SLIT2: variants seen among roughly 807,000 people sequenced by gnomAD.
SLIT2 encodes slit homolog 2 protein.
A neutral mutation model predicts 185.7 loss-of-function variants in SLIT2; 41 were observed. The observed-to-expected ratio is 0.22, with a 90% CI of 0.17 to 0.29. The LOEUF (loss-of-function observed/expected upper bound fraction) is 0.29. Among genes scored for constraint, SLIT2 ranks in the 10% least tolerant of loss-of-function variants. SLIT2 has a pLI of 1.00. For synonymous variants in SLIT2, 693 were observed against 680.2 expected (o/e 1.02, Z -0.29); for missense variants, 1,571 against 1,909.0 (o/e 0.82, Z 3.30).
intron 4 of SLIT2, among the ~76,000 whole-genome samples, chr4:20,443,333 G>A (rs1053653063): frequency 1.3e-5 from 2 of 152,054 alleles, no homozygotes; most frequent in African/African-American, 4.8e-5. Flanking sequence ...TAACTTCTTG[G>A]AACAGGCACA....
chr4:20,416,873 C>T (rs1727730849), intron 4 of SLIT2, among the ~76,000 whole-genome samples: 1 of 152,116 alleles, frequency 6.6e-6, no homozygotes, highest in South Asian at 2.1e-4. Context: ...ACAAGTTAAG[C>T]CTGATCTTAA....
At chr4:20,548,461 T>G in intron 22 of SLIT2, 27 bp from the exon 23 acceptor site, 1 of 1,161,850 alleles carries the variant, frequency 8.6e-7, no homozygotes, top group Non-Finnish European at 1.3e-6. Context: ...TGGTTAATAG[T>G]GTACTCCATT....
intron 4 of SLIT2, among the ~76,000 whole-genome samples, chr4:20,305,759 G>T (rs1217385345): frequency 6.6e-6 from 1 of 151,726 alleles, no homozygotes. Flanking sequence ...TGTAATCCCA[G>T]CTACTTGGGA....
chr4:20,419,380 T>A (rs1028119288), intron 4 of SLIT2, among the ~76,000 whole-genome samples: 7 of 152,222 alleles, frequency 4.6e-5, no homozygotes, highest in African/African-American at 1.7e-4. Flanking sequence ...AATTATTTAA[T>A]GATTTACTTA....
chr4:20,341,961 G>A (rs1337982054), intron 4 of SLIT2, among the ~76,000 whole-genome samples: 1 of 152,136 alleles, frequency 6.6e-6, no homozygotes, highest in Non-Finnish European at 1.5e-5. Context: ...ACTTCCTAGA[G>A]TTTGTTCTTT....
chr4:20,594,181 ATG>A (rs1366651396), intron 30 of SLIT2, among the ~76,000 whole-genome samples: 5 of 149,476 alleles, frequency 3.3e-5, no homozygotes, highest in Admixed American at 6.7e-5. Context: ...ATGTATGTAC[ATG>A]TGTGTATATA....
At chr4:20,460,306 A>G (rs925297471) in intron 4 of SLIT2, among the ~76,000 whole-genome samples, 1 of 152,160 alleles carries the variant, frequency 6.6e-6, no homozygotes, top group African/African-American at 2.4e-5. Flanking sequence ...AGAGAAAGTT[A>G]TTTAGGAAAG....
chr4:20,566,147 G>A (rs1207407228), intron 26 of SLIT2, among the ~76,000 whole-genome samples: 2 of 152,032 alleles, frequency 1.3e-5, no homozygotes. Context: ...CAGTAACGGT[G>A]GGGGTGCAGA....
intron 4 of SLIT2, among the ~76,000 whole-genome samples, chr4:20,355,058 A>G (rs1030898111): frequency 1.3e-5 from 2 of 151,942 alleles, no homozygotes; most frequent in African/African-American, 4.8e-5. Context: ...ATGTTTTCCT[A>G]ATTTTCGTGT....
chr4:20,311,497 ATT>A (rs1255532424), intron 4 of SLIT2, among the ~76,000 whole-genome samples: 1 of 152,162 alleles, frequency 6.6e-6, no homozygotes, highest in African/African-American at 2.4e-5. Context: ...GGTAATTCTG[ATT>A]TTTATTTAAT....
chr4:20,463,035 T>G (rs1391868798), intron 4 of SLIT2, among the ~76,000 whole-genome samples: 2 of 152,114 alleles, frequency 1.3e-5, no homozygotes, highest in African/African-American at 4.8e-5. Flanking sequence ...CTAACAATCC[T>G]ATGAAATATA....
chr4:20,321,126 C>CA (rs1366538470), intron 4 of SLIT2, among the ~76,000 whole-genome samples: 1 of 152,056 alleles, frequency 6.6e-6, no homozygotes, highest in Admixed American at 6.6e-5. Context: ...GACTCTGTCT[C>CA]AAAAAACAAA....
At chr4:20,325,241 C>G (rs1719468688) in intron 4 of SLIT2, among the ~76,000 whole-genome samples, 2 of 151,594 alleles carry the variant, frequency 1.3e-5, no homozygotes, top group Non-Finnish European at 2.9e-5. Flanking sequence ...TACTTCTGCT[C>G]AAGGGAACAG....
intron 5 of SLIT2, among the ~76,000 whole-genome samples, chr4:20,469,864 T>C (rs1213563241): frequency 6.6e-6 from 1 of 150,958 alleles, no homozygotes; most frequent in Non-Finnish European, 1.5e-5. Flanking sequence ...CAAGCGATTC[T>C]TCTGCCTCAG....
At chr4:20,452,485 A>C (rs1273050368) in intron 4 of SLIT2, among the ~76,000 whole-genome samples, 4 of 152,202 alleles carry the variant, frequency 2.6e-5, no homozygotes, top group African/African-American at 9.6e-5. Flanking sequence ...CTGCTTTAAA[A>C]ACCGTCCTCT....
intron 4 of SLIT2, among the ~76,000 whole-genome samples, chr4:20,359,354 G>T (rs1318769470): frequency 2.6e-5 from 4 of 152,062 alleles, no homozygotes; most frequent in Non-Finnish European, 5.9e-5. Flanking sequence ...GGGATTTCTG[G>T]TTAGGTCCAT....
chr4:20,297,158 A>G (rs1716563184), intron 4 of SLIT2, among the ~76,000 whole-genome samples: 1 of 152,098 alleles, frequency 6.6e-6, no homozygotes, highest in Admixed American at 6.5e-5. Flanking sequence ...TTTTTGAAAA[A>G]TCTTTATAAT....
At chr4:20,380,046 A>G (rs745374944) in intron 4 of SLIT2, among the ~76,000 whole-genome samples, 16 of 152,104 alleles carry the variant, frequency 1.1e-4, no homozygotes, top group Non-Finnish European at 1.9e-4. Context: ...GAAACTAGGT[A>G]AGACGAGGGA....
intron 29 of SLIT2, among the ~76,000 whole-genome samples, chr4:20,570,678 A>G (rs969171456): frequency 6.7e-6 from 1 of 148,804 alleles, no homozygotes; most frequent in South Asian, 2.1e-4. Flanking sequence ...AAGCATTTCA[A>G]GCAAGCTTTG....
Sources: gnomAD v4.1 joint callset for allele counts (sites outside exome capture counted in the v4.1 genomes callset) on GRCh38, gnomAD v4.1.1 for gene constraint, MANE v1.5 for transcripts, NCBI Gene and HGNC (gene_info 2026-07-23, HGNC 2026-07-21) for gene names.